Variants in ABCB9 observed in about 807,000 individuals in gnomAD.
The protein encoded by ABCB9 is ABC-type oligopeptide transporter ABCB9.
ABCB9 carries 36 observed loss-of-function variants against 62.0 expected under a neutral mutation model. The observed-to-expected ratio is 0.58, with a 90% confidence interval of 0.45 to 0.77. The LOEUF is 0.77. ABCB9 is among the 30% of genes least tolerant of loss of function. The probability of loss-of-function intolerance (pLI) is 0.00; values close to 1 mark genes in which losing one functional copy is unlikely to be tolerated. For missense variants in ABCB9, 943 were observed against 1,054.7 expected (o/e 0.89, Z 1.47); for synonymous variants, 435 against 461.4 (o/e 0.94, Z 0.73).
At chr12:122,927,082 T>G (rs2034926869), downstream of ABCB9, among the ~76,000 whole-genome samples, 1 of 152,214 alleles carries the variant, frequency 6.6e-6, no homozygotes, top group African/African-American at 2.4e-5. Flanking sequence ...ACTGTGGGAT[T>G]TTAAGAGAAG....
chr12:122,963,254 C>A (rs937161903), intron 1 of ABCB9, among the ~76,000 whole-genome samples: 6 of 152,102 alleles, frequency 3.9e-5, no homozygotes, highest in Non-Finnish European at 8.8e-5. Flanking sequence ...GCCGAGATTG[C>A]GCCACTGCAC....
At chr12:122,973,717 C>T (rs1002122209) in intron 1 of ABCB9, among the ~76,000 whole-genome samples, 7 of 150,784 alleles carry the variant, frequency 4.6e-5, no homozygotes, top group South Asian at 4.2e-4. Flanking sequence ...AAAAATTAGC[C>T]GGGTGTGGTG....
chr12:122,965,060 G>A (rs901847192), intron 1 of ABCB9, among the ~76,000 whole-genome samples: 1 of 152,190 alleles, frequency 6.6e-6, no homozygotes, highest in Non-Finnish European at 1.5e-5. Flanking sequence ...CCCTTCACCG[G>A]GCCCTACTAT....
At chr12:122,939,875 A>G in intron 9 of ABCB9, 1 of 529,436 alleles carries the variant, frequency 1.9e-6, no homozygotes, top group Non-Finnish European at 3.3e-6. Context: ...TATGTTGTCC[A>G]GGCTGGCCTC....
chr12:122,950,710 C>T (rs376136530), intron 2 of ABCB9, 145 bp from the exon 3 acceptor site: 26 of 670,082 alleles, frequency 3.9e-5, no homozygotes, highest in East Asian at 1.9e-4. Flanking sequence ...TGCTGCCCAT[C>T]GTGGGGCCCC....
chr12:122,927,423 G>T (rs1287967631), downstream of ABCB9, among the ~76,000 whole-genome samples: 1 of 152,148 alleles, frequency 6.6e-6, no homozygotes, highest in Non-Finnish European at 1.5e-5. Context: ...ACCCACCTTG[G>T]CCTCCCAAAG....
intron 2 of ABCB9, among the ~76,000 whole-genome samples, chr12:122,957,883 G>A (rs908751119): frequency 6.6e-6 from 1 of 151,078 alleles, no homozygotes; most frequent in African/African-American, 2.4e-5. Context: ...AATTATTGAC[G>A]TGCAGGTCGG....
chr12:122,967,304 C>A (rs546410734), upstream of ABCB9, among the ~76,000 whole-genome samples: 1 of 152,200 alleles, frequency 6.6e-6, no homozygotes, highest in African/African-American at 2.4e-5. Context: ...AGGCGTGAGC[C>A]ACGGGGAGGG....
At chr12:122,939,785 G>A (rs113621081) in intron 9 of ABCB9, 196 of 201,168 alleles carry the variant, frequency 9.7e-4, no homozygotes, top group African/African-American at 4.3e-3. Context: ...ACCTGCCTTG[G>A]CCTCCCAAAG....
At chr12:122,935,469 A>G (rs1352113569) in intron 9 of ABCB9, 38 bp from the exon 10 acceptor site, 1 of 1,595,494 alleles carries the variant, frequency 6.3e-7, no homozygotes. Context: ...GAGGCCAGGA[A>G]TGTGTTCATC....
At chr12:122,949,953 C>T (rs1274666343) in intron 3 of ABCB9, 35 bp from the exon 4 acceptor site, 1 of 1,612,628 alleles carries the variant, frequency 6.2e-7, no homozygotes, top group Non-Finnish European at 8.5e-7. Flanking sequence ...AGCACGATGT[C>T]CTTCCAGACC....
chr12:122,925,502 A>G (rs938233687), downstream of ABCB9, among the ~76,000 whole-genome samples: 18 of 152,106 alleles, frequency 1.2e-4, no homozygotes, highest in African/African-American at 3.9e-4. Flanking sequence ...TAATCCTAGC[A>G]CTTTGGGAGG....
At chr12:122,968,792 T>G (rs2037238412), upstream of ABCB9, among the ~76,000 whole-genome samples, 4 of 151,934 alleles carry the variant, frequency 2.6e-5, no homozygotes, top group Admixed American at 1.3e-4. Context: ...CTTTTGTACT[T>G]TTAGTAGAGA....
chr12:122,941,035 C>G, intron 7 of ABCB9, 40 bp from the exon 8 acceptor site: 1 of 1,525,388 alleles, frequency 6.6e-7, no homozygotes. Flanking sequence ...CACCGATACC[C>G]GACTCCTGGG....
intron 11 of ABCB9, among the ~76,000 whole-genome samples, chr12:122,921,654 G>A (rs2034749892): frequency 6.6e-6 from 1 of 152,116 alleles, no homozygotes; most frequent in African/African-American, 2.4e-5. Flanking sequence ...GCACATGCCT[G>A]TAATCCCAGC....
intron 3 of ABCB9, 146 bp downstream of exon 3, chr12:122,950,305 C>A: frequency 1.3e-6 from 1 of 752,174 alleles, no homozygotes; most frequent in Non-Finnish European, 2.1e-6. Context: ...GAAGCCGGTT[C>A]CCAGGGTGAC....
intron 1 of ABCB9, among the ~76,000 whole-genome samples, chr12:122,971,877 CTG>C (rs2037274128): frequency 6.6e-6 from 1 of 151,804 alleles, no homozygotes; most frequent in African/African-American, 2.4e-5. Flanking sequence ...GTGGGGGAGG[CTG>C]TGTGTGCTGT....
chr12:122,952,938 TC>T (rs1566184985), intron 2 of ABCB9: 1 of 152,234 alleles, frequency 6.6e-6, no homozygotes, highest in Non-Finnish European at 1.5e-5. Flanking sequence ...GAAGGCAGGA[TC>T]CTGTTGGAAC....
Position 122,948,653 on chromosome 12 carries a change from C to T in ABCB9, c.1024G>A (p.Val342Met), listed in dbSNP as rs146512146. Residue 342 changes from valine to methionine, a missense_variant, in exon 5 of 12, where the codon GTG (valine) becomes ATG (methionine). Coordinates refer to ENST00000280560, the MANE Select transcript of ABCB9 (RefSeq NM_019625.4). ...TAGTACTTGCCGTAGATGTTGGACA[C>T]CATCATGATGATGGGGAAGCCCATG... ...TFMGFPIIMM[V>M]SNIYGKYYKR... The T allele has an allele frequency of 6.2e-7, 1 of 1,613,688 alleles. No individual in the cohort carries two copies. Among genetic ancestry groups the T allele is most frequent in the South Asian group, 1.1e-5 (1 of 91,042 alleles).
Sources: allele counts gnomAD v4.1 joint callset (sites outside exome capture counted in the v4.1 genomes callset), GRCh38; gene constraint gnomAD v4.1.1; transcripts MANE v1.5; gene names NCBI Gene and HGNC (gene_info 2026-07-23, HGNC 2026-07-21).